The following PTPRA variants were observed in gnomAD, a reference collection of about 807,000 sequenced individuals.
PTPRA encodes receptor-type tyrosine-protein phosphatase alpha.
In PTPRA, 25 loss-of-function variants were observed where a neutral mutation model predicts 104.8. That is an observed-to-expected ratio of 0.24 (90% CI 0.17 to 0.33). The LOEUF is 0.33. Ranked by LOEUF, PTPRA falls within the 10% of genes least tolerant of loss-of-function variation. The pLI, the probability that PTPRA is intolerant of heterozygous loss-of-function variation, is 1.00. For synonymous variants in PTPRA, 323 were observed against 368.9 expected (o/e 0.88, Z 1.43); for missense variants, 765 against 1,015.3 (o/e 0.75, Z 3.35).
rs533021234 is a variant in PTPRA at position 2,950,469 on chromosome 20, T to C, written c.-7+2445T>C. Among the ~76,000 whole-genome samples, 32 of 151,542 alleles carry C rather than the reference T, an allele frequency of 2.1e-4. No homozygotes were observed. The highest frequency in any genetic ancestry group is 4.0e-4 in the Non-Finnish European group (27 of 67,886). ...CTGGCCATCATGGTGAAACCCCGTCTCTACTAAAAATACAAAAAAAAAAAT... is the reference window on the plus strand; with the variant it reads ...CTGGCCATCATGGTGAAACCCCGTCCCTACTAAAAATACAAAAAAAAAAAT... On this transcript the variant is annotated intron_variant, in intron 3 of 23. Coordinates refer to ENST00000399903, the MANE Select transcript of PTPRA (RefSeq NM_001385305.1). This position sits in a 1 kb window ranked among gnomAD's most constrained non-coding sequence, Gnocchi z 4.0.
At position 2,948,930 on chromosome 20, in the gene PTPRA, T is replaced by C. The variant is rs6138959; in HGVS notation, c.-7+906T>C. On this transcript the variant is annotated intron_variant, in intron 3 of 23. Coordinates refer to ENST00000399903, the MANE Select transcript of PTPRA (RefSeq NM_001385305.1). Reference sequence around the variant, plus strand: ...TTGCACCACTGCACTCCAGCCTGGGTGACAGAGCGAGACTCCGTCTCAAAA... The same window carrying C: ...TTGCACCACTGCACTCCAGCCTGGGCGACAGAGCGAGACTCCGTCTCAAAA... Among the ~76,000 whole-genome samples the C allele has an allele frequency of 1.9e-3, 295 of 151,936 alleles. 4 individuals are homozygous for C. The East Asian group carries it at 0.029, about 15-fold the overall frequency.
chr20:3,022,849 G>A lies in PTPRA; in HGVS notation c.1464+25G>A. ...TGTGAGTGATCTGTGGGTCAGGTGA[G>A]GGTGGGGGGTTCCAGGACTAAAACA... On this transcript the variant is annotated intron_variant, in intron 16 of 23. Coordinates refer to ENST00000399903, the MANE Select transcript of PTPRA (RefSeq NM_001385305.1). The surrounding 1 kb of genome is among the most constrained non-coding windows in gnomAD (Gnocchi z 4.6). 1.2e-6 allele frequency: 2 copies of A among 1,613,988 alleles called. No homozygotes were observed. The highest frequency in any genetic ancestry group is 1.7e-6 in the Non-Finnish European group (2 of 1,179,928).
intron 20 of PTPRA, among the ~76,000 whole-genome samples, chr20:3,028,651 G>A (rs1035558947): frequency 2.6e-5 from 4 of 152,184 alleles, no homozygotes; most frequent in African/African-American, 7.2e-5. Flanking sequence ...GCAAATGAGC[G>A]GTTCACTATG....
intron 1 of PTPRA, among the ~76,000 whole-genome samples, chr20:2,910,435 A>ATTTT (rs1291565753): frequency 7.8e-6 from 1 of 127,966 alleles, no homozygotes; most frequent in Non-Finnish European, 1.6e-5. Flanking sequence ...TAAAATGTAT[A>ATTTT]TTATATATAA....
chr20:2,958,357 T>A (rs2061611958), intron 3 of PTPRA, among the ~76,000 whole-genome samples: 1 of 150,858 alleles, frequency 6.6e-6, no homozygotes, highest in Admixed American at 6.6e-5. Flanking sequence ...GTTGTTGGAG[T>A]GAAGGAAGTC....
At chr20:3,000,674 C>T (rs1331593350) in intron 9 of PTPRA, among the ~76,000 whole-genome samples, 6 of 152,054 alleles carry the variant, frequency 3.9e-5, no homozygotes, top group Admixed American at 6.5e-5. Context: ...ATTTTAACAC[C>T]GTCTCAAATG....
intron 3 of PTPRA, among the ~76,000 whole-genome samples, chr20:2,953,704 T>C (rs1211025123): frequency 6.0e-5 from 9 of 150,570 alleles, no homozygotes; most frequent in Non-Finnish European, 1.3e-4. Flanking sequence ...GTCTCCTGGG[T>C]TCAAGCACTT....
intron 6 of PTPRA, among the ~76,000 whole-genome samples, chr20:2,978,546 T>G (rs1264534427): frequency 6.6e-6 from 1 of 152,164 alleles, no homozygotes; most frequent in African/African-American, 2.4e-5. Context: ...CTCACCTGTT[T>G]AGAGGTGAGC....
rs554043339 is a variant in PTPRA, at chr20:3,029,807, C to T, written c.1920+1966C>T. On this transcript the variant is annotated intron_variant, in intron 20 of 23. Coordinates refer to ENST00000399903, the MANE Select transcript of PTPRA (RefSeq NM_001385305.1). ...CCTCCCAAAGTGCTGGGATTACAGG[C>T]GTGAGCCACTGCGCCCAGTGTCTTC... 2.2e-4 allele frequency among the ~76,000 whole-genome samples: 33 copies of T among 152,192 alleles called. No homozygotes were observed. The South Asian group carries it at 4.8e-3, about 22-fold the overall frequency.
chr20:2,928,435 G>A (rs1405518812), intron 2 of PTPRA, among the ~76,000 whole-genome samples: 2 of 152,136 alleles, frequency 1.3e-5, no homozygotes, highest in Non-Finnish European at 2.9e-5. Flanking sequence ...AGACCCTCAT[G>A]TTGGAGTGAT....
chr20:2,865,246 C>G, the PTPRA span: 7 of 1,614,184 alleles, frequency 4.3e-6, no homozygotes, highest in Non-Finnish European at 5.9e-6. This position sits in a 1 kb window ranked among gnomAD's most constrained non-coding sequence, Gnocchi z 5.2. Flanking sequence ...ACACAGTTAC[C>G]ACCCTCATTC....
At chr20:3,026,040 G>A (rs1240621452) in intron 17 of PTPRA, among the ~76,000 whole-genome samples, 1 of 151,538 alleles carries the variant, frequency 6.6e-6, no homozygotes, top group Non-Finnish European at 1.5e-5. Context: ...CTGCCTCCCG[G>A]GTTCAAGGGA....
At chr20:2,882,760 G>A (rs1201998724) in intron 1 of PTPRA, among the ~76,000 whole-genome samples, 1 of 152,110 alleles carries the variant, frequency 6.6e-6, no homozygotes, top group Admixed American at 6.6e-5. Context: ...TAAATTAATG[G>A]AACAGCTGCT....
At chr20:2,974,052 G>A (rs554475338) in intron 5 of PTPRA, among the ~76,000 whole-genome samples, 2 of 149,752 alleles carry the variant, frequency 1.3e-5, no homozygotes, top group Admixed American at 6.7e-5. Flanking sequence ...CCTGGTTCAC[G>A]CCATTCTCCT....
Position 3,001,327 on chromosome 20 carries a change from T to C in PTPRA, c.739-3729T>C, listed in dbSNP as rs907857394. On this transcript the variant is annotated intron_variant, in intron 9 of 23. Transcript: ENST00000399903. Reference sequence around the variant, plus strand: ...ACAATGGCTCCTGTTTCTTCCTGACTCTTTTTAGGAGCCTTAGTCCACCTG... The same window carrying C: ...ACAATGGCTCCTGTTTCTTCCTGACCCTTTTTAGGAGCCTTAGTCCACCTG... Among the ~76,000 whole-genome samples, 11 of 152,366 alleles carry C rather than the reference T, an allele frequency of 7.2e-5. No individual in the cohort carries two copies. In the East Asian group the frequency reaches 1.9e-3, roughly 27 times the overall value.
intron 1 of PTPRA, among the ~76,000 whole-genome samples, chr20:2,884,427 C>A (rs2090252248): frequency 6.6e-6 from 1 of 152,292 alleles, no homozygotes; most frequent in South Asian, 2.1e-4. Context: ...TGTCTCCCAT[C>A]TTTGCCAACA....
intron 19 of PTPRA, 70 bp from the exon 20 acceptor site, chr20:3,027,637 G>T (rs1568707126): frequency 6.4e-7 from 1 of 1,556,550 alleles, no homozygotes; most frequent in East Asian, 2.2e-5. Context: ...CCCTTCTAGT[G>T]GTCTGTCTTC....
intron 6 of PTPRA, among the ~76,000 whole-genome samples, chr20:2,978,604 A>G (rs1464392579): frequency 6.6e-6 from 1 of 152,146 alleles, no homozygotes; most frequent in Non-Finnish European, 1.5e-5. Flanking sequence ...AGTTATAGCA[A>G]GTAGGTATCT....
At chr20:2,920,055 C>T (rs556275774) in intron 1 of PTPRA, among the ~76,000 whole-genome samples, 1 of 152,228 alleles carries the variant, frequency 6.6e-6, no homozygotes, top group African/African-American at 2.4e-5. Flanking sequence ...GGCTGTTTGG[C>T]CTGCAGAGCC....
Sources: allele counts gnomAD v4.1 joint callset (sites outside exome capture counted in the v4.1 genomes callset), GRCh38; gene constraint gnomAD v4.1.1; non-coding constraint Gnocchi (gnomAD v3.1); transcripts MANE v1.5; gene names NCBI Gene and HGNC (gene_info 2026-07-23, HGNC 2026-07-21).